YTHDF3: variants seen among roughly 807,000 people sequenced by gnomAD.
YTHDF3 encodes the protein YTH domain-containing family protein 3.
YTHDF3 carries 9 observed loss-of-function variants against 52.5 expected under a neutral mutation model. The observed-to-expected ratio is 0.17, with a 90% CI of 0.10 to 0.30. YTHDF3 has a LOEUF of 0.30. Ranked by LOEUF, YTHDF3 falls within the 10% of genes least tolerant of loss-of-function variation. YTHDF3 has a pLI of 1.00. For missense variants in YTHDF3, 534 were observed against 715.0 expected (o/e 0.75, Z 2.89); for synonymous variants, 274 against 243.3 (o/e 1.13, Z -1.18).
intron 4 of YTHDF3, 69 bp downstream of exon 4, chr8:63,187,814 T>A: frequency 6.8e-7 from 1 of 1,464,718 alleles, no homozygotes; most frequent in Non-Finnish European, 9.0e-7. Flanking sequence ...GGGTATATTC[T>A]GAGTTTAAGA....
chr8:63,174,441 A>G (rs1474601748), intron 2 of YTHDF3, among the ~76,000 whole-genome samples: 1 of 152,238 alleles, frequency 6.6e-6, no homozygotes, highest in Non-Finnish European at 1.5e-5. Context: ...GGTAGGTACT[A>G]TTCATACATA....
In YTHDF3 at chr8:63,211,783, C is replaced by G. The variant is rs1029233653; in HGVS notation, c.*2077C>G. ...GAATAAATGTAATTGAGAGTCTATT[C>G]ATGGTGAGGAGTACATCCCAGTGCC... On this transcript the variant is annotated 3_prime_UTR_variant, in exon 5 of 5. Transcript: ENST00000539294. 8.5e-5 allele frequency: 13 copies of G among 152,462 alleles called. No individual in the cohort carries two copies. The highest frequency in any genetic ancestry group is 3.1e-4 in the African/African-American group (13 of 41,380). 9.4% of individuals were successfully genotyped at this position (152,462 alleles called of 1,614,324 possible). A position where few individuals can be genotyped will look rare whatever the true frequency, so the allele number is the denominator to read the frequency against.
chr8:63,211,679 T>C lies in YTHDF3; in HGVS notation c.*1973T>C, dbSNP rs549322580. 1 of 152,710 alleles carries C rather than the reference T, an allele frequency of 6.5e-6. No individual in the cohort carries two copies. The highest frequency in any genetic ancestry group is 1.9e-4 in the East Asian group (1 of 5,186). 9.5% of individuals were successfully genotyped at this position (152,710 alleles called of 1,614,324 possible). On this transcript the variant is annotated 3_prime_UTR_variant, in exon 5 of 5. Transcript: ENST00000539294. ...CATTATAAACGGTTTCAAACATGTTTAATTTACATTAGGTTTTTATGTAAG... is the reference window on the plus strand; with the variant it reads ...CATTATAAACGGTTTCAAACATGTTCAATTTACATTAGGTTTTTATGTAAG...
At chr8:63,169,651 T>G (rs536760728) in intron 2 of YTHDF3, among the ~76,000 whole-genome samples, 1 of 152,316 alleles carries the variant, frequency 6.6e-6, no homozygotes, top group South Asian at 2.1e-4. Context: ...GTTAAGCAGG[T>G]ATTGGTGTGA....
At chr8:63,193,096 G>C (rs1446681420) in intron 4 of YTHDF3, among the ~76,000 whole-genome samples, 3 of 152,054 alleles carry the variant, frequency 2.0e-5, no homozygotes, top group Non-Finnish European at 4.4e-5. Flanking sequence ...AGGCCTGGCT[G>C]GGCATGGTGG....
intron 2 of YTHDF3, chr8:63,172,700 A>T: frequency 9.0e-7 from 1 of 1,110,490 alleles, no homozygotes; most frequent in East Asian, 3.2e-5. Context: ...AACTTGATGT[A>T]GTCAGGACCA....
At chr8:63,170,106 T>G (rs1807202708) in intron 2 of YTHDF3, among the ~76,000 whole-genome samples, 1 of 152,254 alleles carries the variant, frequency 6.6e-6, no homozygotes, top group South Asian at 2.1e-4. Flanking sequence ...TGCAGTCAGC[T>G]GACTGAAACA....
In YTHDF3 at chr8:63,175,248, C is replaced by T. The variant is rs576155714; in HGVS notation, c.50-83C>T. On this transcript the variant is annotated intron_variant, in intron 2 of 4. Coordinates refer to ENST00000539294, the MANE Select transcript of YTHDF3 (RefSeq NM_152758.6). Reference sequence around the variant, plus strand: ...TATTTTTTCTGATTACTTTTTTTGGCTTGAAAAATATTAAAAACATTAGGT... The same window carrying T: ...TATTTTTTCTGATTACTTTTTTTGGTTTGAAAAATATTAAAAACATTAGGT... The T allele has an allele frequency of 2.9e-6, 3 of 1,033,858 alleles. No homozygotes were observed. In the South Asian group the frequency reaches 5.2e-5, roughly 18 times the overall value. 64.0% of individuals were successfully genotyped at this position (1,033,858 alleles called of 1,614,324 possible). A position where few individuals can be genotyped will look rare whatever the true frequency, so the allele number is the denominator to read the frequency against.
intron 4 of YTHDF3, among the ~76,000 whole-genome samples, chr8:63,190,240 A>G (rs1029408642): frequency 6.6e-6 from 1 of 151,912 alleles, no homozygotes; most frequent in African/African-American, 2.4e-5. Flanking sequence ...CAAAGGATAC[A>G]TGGCAAGGAA....
chr8:63,201,664 T>C (rs765525962), intron 4 of YTHDF3, among the ~76,000 whole-genome samples: 2 of 152,176 alleles, frequency 1.3e-5, no homozygotes, highest in Non-Finnish European at 2.9e-5. Flanking sequence ...TCAACTCTGG[T>C]ATTGGCTGCA....
At chr8:63,204,214 A>T (rs534155729) in intron 4 of YTHDF3, among the ~76,000 whole-genome samples, 201 of 149,910 alleles carry the variant, frequency 1.3e-3, no homozygotes, top group African/African-American at 4.6e-3. Context: ...CCATTTCTTT[A>T]TTCTTGCTCT....
In YTHDF3 at chr8:63,186,714, C is replaced by A; in HGVS notation, c.703C>A (p.Pro235Thr). Residue 235 changes from proline to threonine, a missense_variant, in exon 4 of 5, where the codon CCA (proline) becomes ACA (threonine). Physicochemically the swap from Pro to Thr is conservative, Grantham distance 38 (BLOSUM62 -1). This residue lies in a region of YTHDF3 where 196 missense variants were observed against 299.5 expected (regional missense o/e 0.65). Coordinates refer to ENST00000539294, the MANE Select transcript of YTHDF3 (RefSeq NM_152758.6). The stretch of plus-strand genomic sequence containing the variant: ...CCCAGTTAGCAGTGCAGCACCTAAA[C>A]CAACCTCCTGGGCTGCCATTGCCAG... ...VPPVSSAAPK[P>T]TSWAAIARKP... 6.2e-7 allele frequency: 1 copy of A among 1,613,960 alleles called. No individual in the cohort carries two copies. The highest frequency in any genetic ancestry group is 8.5e-7 in the Non-Finnish European group (1 of 1,179,880).
At chr8:63,179,338 T>A (rs913381508) in intron 3 of YTHDF3, among the ~76,000 whole-genome samples, 1 of 152,132 alleles carries the variant, frequency 6.6e-6, no homozygotes, top group African/African-American at 2.4e-5. Context: ...CAAAGGTCTC[T>A]GGTTTTCCTA....
At chr8:63,206,833 C>T (rs575479900) in intron 4 of YTHDF3, among the ~76,000 whole-genome samples, 23 of 152,006 alleles carry the variant, frequency 1.5e-4, no homozygotes, top group African/African-American at 3.1e-4. Context: ...CTGTTAGAAC[C>T]GTGTTTTAGA....
intron 1 of YTHDF3, 35 bp downstream of exon 1, chr8:63,168,936 C>G: frequency 6.5e-7 from 1 of 1,548,230 alleles, no homozygotes; most frequent in Non-Finnish European, 8.7e-7. Context: ...TGGCGAAGGC[C>G]CGAGCCCCGG....
chr8:63,168,680 A>G lies in YTHDF3; in HGVS notation c.-198A>G, dbSNP rs754264149. ...AGAAGCAGAGAGCGAGAGGGGGAAG[A>G]GGAGCGTGCAAGCGGAAAAGACGGG... On this transcript the variant is annotated 5_prime_UTR_variant, in exon 1 of 5. Transcript: ENST00000539294. 3 of 942,830 alleles carry G rather than the reference A, an allele frequency of 3.2e-6. No homozygotes were observed. The highest frequency in any genetic ancestry group is 4.8e-6 in the Non-Finnish European group (3 of 624,892). 58.4% of individuals were successfully genotyped at this position (942,830 alleles called of 1,614,324 possible).
intron 4 of YTHDF3, among the ~76,000 whole-genome samples, chr8:63,192,517 G>A (rs1325041457): frequency 2.0e-5 from 3 of 152,194 alleles, no homozygotes; most frequent in African/African-American, 7.2e-5. Flanking sequence ...AAACCACTGT[G>A]TTAGAAACCA....
intron 4 of YTHDF3, among the ~76,000 whole-genome samples, chr8:63,197,241 A>T (rs986041819): frequency 5.9e-5 from 9 of 152,234 alleles, no homozygotes; most frequent in Non-Finnish European, 1.0e-4. Flanking sequence ...TTAAGTAGAC[A>T]TTTGTTAAAA....
intron 4 of YTHDF3, among the ~76,000 whole-genome samples, chr8:63,204,359 T>C (rs1423394291): frequency 2.0e-5 from 3 of 150,658 alleles, no homozygotes; most frequent in African/African-American, 7.3e-5. Flanking sequence ...TGTGTGTTTG[T>C]TGTTTTTTTT....
Sources: allele counts gnomAD v4.1 joint callset (sites outside exome capture counted in the v4.1 genomes callset), GRCh38; gene constraint gnomAD v4.1.1; regional missense constraint gnomAD v4.1.1; transcripts MANE v1.5; gene names NCBI Gene and HGNC (gene_info 2026-07-23, HGNC 2026-07-21).